The following ABAT variants were observed in gnomAD, a reference collection of about 807,000 sequenced individuals.
The protein encoded by ABAT is 4-aminobutyrate aminotransferase, mitochondrial.
Under a neutral mutation model 64.6 loss-of-function variants are expected in ABAT, and 45 were observed. That is an observed-to-expected ratio of 0.70 (90% CI 0.55 to 0.89). The LOEUF (loss-of-function observed/expected upper bound fraction) is 0.89. ABAT is among the 40% of genes least tolerant of loss of function. ABAT has a pLI of 0.00. For missense variants in ABAT, 633 were observed against 658.4 expected, an observed-to-expected ratio of 0.96 and a Z score of 0.42; for synonymous variants, 297 against 250.5, an observed-to-expected ratio of 1.19 and a Z score of -1.75.
chr16:8,725,376 T>C (rs2058519885), intron 1 of ABAT, among the ~76,000 whole-genome samples: 3 of 152,300 alleles, frequency 2.0e-5, no homozygotes, highest in African/African-American at 7.2e-5. Context: ...TCATCTCTCA[T>C]TCCTCCCAGG....
intron 14 of ABAT, among the ~76,000 whole-genome samples, chr16:8,777,825 G>T (rs2142999910): frequency 6.6e-6 from 1 of 152,286 alleles, no homozygotes; most frequent in African/African-American, 2.4e-5. Flanking sequence ...TCAAGAATGT[G>T]CCCACTGCCA....
chr16:8,747,151 T>C (rs2059356706), intron 3 of ABAT, among the ~76,000 whole-genome samples: 1 of 152,164 alleles, frequency 6.6e-6, no homozygotes, highest in Non-Finnish European at 1.5e-5. Context: ...AAGCCAGTCA[T>C]AGCTTGCCTT....
chr16:8,768,685 A>G, intron 10 of ABAT, 140 bp from the exon 11 acceptor site: 6 of 1,177,300 alleles, frequency 5.1e-6, no homozygotes, highest in South Asian at 1.2e-5. Context: ...TAAACGATAA[A>G]AAGAACTGGG....
intron 1 of ABAT, among the ~76,000 whole-genome samples, chr16:8,709,616 C>T (rs1273958816): frequency 1.3e-5 from 2 of 152,186 alleles, no homozygotes; most frequent in East Asian, 1.9e-4. Context: ...TCAAATGATC[C>T]ACCCGCCTTG....
At chr16:8,720,527 G>T (rs1020100775) in intron 1 of ABAT, among the ~76,000 whole-genome samples, 4 of 152,256 alleles carry the variant, frequency 2.6e-5, no homozygotes, top group Admixed American at 1.3e-4. Context: ...GGAGGGGAAA[G>T]TCAGAAGAGG....
Position 8,747,084 on chromosome 16 carries a change from G to A in ABAT, c.168+986G>A, listed in dbSNP as rs150823748. Among the ~76,000 whole-genome samples the A allele has an allele frequency of 3.8e-3, 583 of 152,272 alleles. 6 individuals are homozygous for A. Among genetic ancestry groups the A allele is most frequent in the African/African-American group, 0.013 (547 of 41,552 alleles). On this transcript the variant is annotated intron_variant, in intron 3 of 15. Coordinates refer to ENST00000268251, the MANE Select transcript of ABAT (RefSeq NM_020686.6). Reference sequence around the variant, plus strand: ...CAAGAGGAGAACATGGTATAGTTCTGCTGAGGCCTGGGTTCCGCATGGGTC... The same window carrying A: ...CAAGAGGAGAACATGGTATAGTTCTACTGAGGCCTGGGTTCCGCATGGGTC...
At chr16:8,738,914 G>A (rs1202600556) in intron 2 of ABAT, among the ~76,000 whole-genome samples, 1 of 152,142 alleles carries the variant, frequency 6.6e-6, no homozygotes, top group East Asian at 1.9e-4. Context: ...CAAAGTGTTA[G>A]GATTACTGGC....
At chr16:8,710,331 A>G (rs1021526596) in intron 1 of ABAT, among the ~76,000 whole-genome samples, 1 of 152,190 alleles carries the variant, frequency 6.6e-6, no homozygotes, top group South Asian at 2.1e-4. Flanking sequence ...CTGAAGACAA[A>G]TGAATAACAG....
At chr16:8,757,085 C>T (rs888818076) in intron 5 of ABAT, 2 of 442,988 alleles carry the variant, frequency 4.5e-6, no homozygotes, top group Admixed American at 2.5e-5. Context: ...GGTGAGGATC[C>T]TATCTGCAAT....
At chr16:8,710,715 A>AGGGG (rs1567279199) in intron 1 of ABAT, among the ~76,000 whole-genome samples, 1 of 127,576 alleles carries the variant, frequency 7.8e-6, no homozygotes, top group African/African-American at 3.2e-5. Context: ...AGAGAGAGAG[A>AGGGG]GAGAGAGAGA....
intron 5 of ABAT, 127 bp from the exon 6 acceptor site, chr16:8,757,630 A>G (rs971393614): frequency 2.8e-6 from 3 of 1,062,278 alleles, no homozygotes; most frequent in Non-Finnish European, 4.3e-6. Context: ...AACAAAGGAT[A>G]AAAGACCCTT....
chr16:8,759,363 T>TA (rs201721362), intron 6 of ABAT, among the ~76,000 whole-genome samples: 7,211 of 143,880 alleles, frequency 0.05, 249 homozygotes, highest in Middle Eastern at 0.16. Context: ...TGGAACAGAG[T>TA]AAAAAATTTT....
rs182603550 is a variant in ABAT, at chr16:8,778,023, A to G, written c.1270-1456A>G. On this transcript the variant is annotated intron_variant, in intron 14 of 15. Transcript: ENST00000268251. ...GCTCTGTCACCCCCAGAATAGGACCATGTCTCCAGTTTCTACCAATGAGCT... is the reference window on the plus strand; with the variant it reads ...GCTCTGTCACCCCCAGAATAGGACCGTGTCTCCAGTTTCTACCAATGAGCT... 1.1e-4 allele frequency among the ~76,000 whole-genome samples: 17 copies of G among 152,238 alleles called. No homozygotes were observed. In the East Asian group the frequency reaches 3.3e-3, roughly 29 times the overall value.
At chr16:8,747,204 T>C (rs1202466626) in intron 3 of ABAT, among the ~76,000 whole-genome samples, 3 of 152,172 alleles carry the variant, frequency 2.0e-5, no homozygotes, top group Non-Finnish European at 2.9e-5. Flanking sequence ...CAAACAACAG[T>C]GAAAGAACAT....
At chr16:8,676,014 A>G (rs1326974566) in intron 1 of ABAT, among the ~76,000 whole-genome samples, 1 of 142,018 alleles carries the variant, frequency 7.0e-6, no homozygotes, top group Non-Finnish European at 1.5e-5. Flanking sequence ...AGCTAGACTA[A>G]GGGACAGGAT....
rs568247678 is a variant in ABAT, at chr16:8,738,826, G to T, written c.70+3017G>T. On this transcript the variant is annotated intron_variant, in intron 2 of 15. Transcript: ENST00000268251. ...TGCCCGGCTAATTTTTATATTTTTT[G>T]TAGAGACAGGGTTTTACCATGTTGG... Among the ~76,000 whole-genome samples, 3 of 151,916 alleles carry T rather than the reference G, an allele frequency of 2.0e-5. No individual in the cohort carries two copies. The East Asian group carries it at 5.8e-4, about 29-fold the overall frequency.
chr16:8,709,576 G>C (rs1366384912), intron 1 of ABAT, among the ~76,000 whole-genome samples: 1 of 152,138 alleles, frequency 6.6e-6, no homozygotes, highest in African/African-American at 2.4e-5. Flanking sequence ...GTTTCACCAT[G>C]TTGGCCAAGC....
At chr16:8,779,776 A>G (rs767223959) in intron 15 of ABAT, among the ~76,000 whole-genome samples, 186 bp downstream of exon 15, 20 of 152,174 alleles carry the variant, frequency 1.3e-4, no homozygotes, top group Admixed American at 6.5e-5. Context: ...TTATCCATTT[A>G]TTTACTCAAC....
rs776557075 is a variant in ABAT at position 8,750,476 on chromosome 16, C to T, written c.253C>T (p.Leu85=). The change falls in exon 5 of 16, where the codon CTG becomes TTG. Residue 85 remains leucine, a synonymous_variant. Transcript: ENST00000268251. ...CNYEESRGNY[L]VDVDGNRMLD... ...TTACGAAGAGAGCCGAGGCAATTAC[C>T]TGGTTGATGTGGACGGCAACCGAAT... The T allele has an allele frequency of 5.0e-6, 8 of 1,614,172 alleles. No individual in the cohort carries two copies. In the East Asian group the frequency reaches 1.6e-4, roughly 31 times the overall value.
Sources: allele counts gnomAD v4.1 joint callset (sites outside exome capture counted in the v4.1 genomes callset), GRCh38; gene constraint gnomAD v4.1.1; transcripts MANE v1.5; gene names NCBI Gene and HGNC (gene_info 2026-07-23, HGNC 2026-07-21).